The following SESTD1 variants were observed in gnomAD, a reference collection of about 807,000 sequenced individuals.
The protein encoded by SESTD1 is SEC14 domain and spectrin repeat-containing protein 1.
SESTD1 carries 43 observed loss-of-function variants against 101.7 expected under a neutral mutation model. That is an observed-to-expected ratio of 0.42 (90% CI 0.33 to 0.55). The LOEUF (loss-of-function observed/expected upper bound fraction) is 0.55. SESTD1 is among the 20% of genes least tolerant of loss of function. The pLI is 0.07. For synonymous variants in SESTD1, 283 were observed against 286.8 expected (o/e 0.99, Z 0.13); for missense variants, 647 against 815.1 (o/e 0.79, Z 2.51).
At chr2:179,139,884 T>G (rs1016901845) in intron 9 of SESTD1, among the ~76,000 whole-genome samples, 2 of 152,182 alleles carry the variant, frequency 1.3e-5, no homozygotes, top group African/African-American at 4.8e-5. Flanking sequence ...CCCATTTCCT[T>G]GCTCGGTGCC....
chr2:179,183,317 C>A, intron 2 of SESTD1, 129 bp from the exon 3 acceptor site: 1 of 542,748 alleles, frequency 1.8e-6, no homozygotes, highest in Non-Finnish European at 2.9e-6. Flanking sequence ...TATCTAATGG[C>A]TACTTATAGA....
chr2:179,184,675 T>C (rs1163770368), intron 2 of SESTD1, among the ~76,000 whole-genome samples: 1 of 152,124 alleles, frequency 6.6e-6, no homozygotes, highest in African/African-American at 2.4e-5. Context: ...CTGGCTTAAA[T>C]CATCAATGGT....
At chr2:179,117,718 G>T in intron 13 of SESTD1, 105 bp from the exon 14 acceptor site, 2 of 815,304 alleles carry the variant, frequency 2.5e-6, no homozygotes, top group Non-Finnish European at 3.6e-6. Context: ...AAAATACTTA[G>T]TCCTAAACAA....
chr2:179,125,567 A>G (rs1321182480), intron 10 of SESTD1, among the ~76,000 whole-genome samples: 3 of 152,158 alleles, frequency 2.0e-5, no homozygotes, highest in South Asian at 4.1e-4. Context: ...ATGTTGTTAC[A>G]AGGCTTAGAG....
rs533334627 is a variant in SESTD1, at chr2:179,199,713, T to A, written c.-25-7847A>T. On this transcript the variant is annotated intron_variant, in intron 1 of 17. Coordinates refer to ENST00000428443, the MANE Select transcript of SESTD1 (RefSeq NM_178123.5). ...GAACCAAAGACAAAAACCACATGAT[T>A]ATTTCAATAGATGCAGAAAAGGCCT... Among the ~76,000 whole-genome samples the A allele has an allele frequency of 5.5e-3, 839 of 152,322 alleles. 4 individuals are homozygous for A. The highest frequency in any genetic ancestry group is 0.019 in the African/African-American group (780 of 41,564).
chr2:179,246,909 A>T (rs1216593931), intron 1 of SESTD1, among the ~76,000 whole-genome samples: 1 of 152,246 alleles, frequency 6.6e-6, no homozygotes, highest in Non-Finnish European at 1.5e-5. Context: ...GGAAAGATCT[A>T]CTCAGCAGTC....
At chr2:179,237,581 A>C (rs1346207028) in intron 1 of SESTD1, among the ~76,000 whole-genome samples, 1 of 152,192 alleles carries the variant, frequency 6.6e-6, no homozygotes, top group Non-Finnish European at 1.5e-5. Context: ...ACAAATGGCT[A>C]AGTTTGGAGA....
At chr2:179,178,464 T>C (rs2046049707) in intron 3 of SESTD1, among the ~76,000 whole-genome samples, 1 of 152,086 alleles carries the variant, frequency 6.6e-6, no homozygotes. Context: ...ACTCCATCTC[T>C]ATTTAAAAAA....
At chr2:179,110,253 T>C (rs1180556303) in intron 17 of SESTD1, among the ~76,000 whole-genome samples, 1 of 152,126 alleles carries the variant, frequency 6.6e-6, no homozygotes, top group Non-Finnish European at 1.5e-5. Flanking sequence ...AATATATTGA[T>C]GGTATAAAGG....
chr2:179,120,102 G>A (rs1233481867), intron 13 of SESTD1, among the ~76,000 whole-genome samples: 2 of 151,962 alleles, frequency 1.3e-5, no homozygotes, highest in African/African-American at 4.8e-5. Context: ...AGTGGCACCC[G>A]CCTATAGTCC....
chr2:179,228,133 C>A (rs2046917813), intron 1 of SESTD1, among the ~76,000 whole-genome samples: 2 of 152,252 alleles, frequency 1.3e-5, no homozygotes, highest in Non-Finnish European at 2.9e-5. Context: ...AGTCCCCAGA[C>A]CCTCACACTG....
At chr2:179,259,345 C>T (rs2047447283) in intron 1 of SESTD1, among the ~76,000 whole-genome samples, 2 of 152,154 alleles carry the variant, frequency 1.3e-5, no homozygotes, top group Admixed American at 6.5e-5. Flanking sequence ...AATTCTCTGC[C>T]TCAGCCTCCT....
intron 1 of SESTD1, among the ~76,000 whole-genome samples, chr2:179,260,723 A>G (rs1230992170): frequency 6.6e-6 from 1 of 152,204 alleles, no homozygotes; most frequent in African/African-American, 2.4e-5. Flanking sequence ...TGAAAACATA[A>G]TATTAGATTT....
intron 5 of SESTD1, among the ~76,000 whole-genome samples, chr2:179,162,003 T>C (rs1559121906): frequency 6.6e-6 from 1 of 152,202 alleles, no homozygotes; most frequent in Non-Finnish European, 1.5e-5. Flanking sequence ...ATTTACACAC[T>C]TAGTAATAAT....
chr2:179,227,664 A>G lies in SESTD1; in HGVS notation c.-25-35798T>C, dbSNP rs75493136. ...TTTAAGGTTAAAAGAGCTTTCTTAA[A>G]GTCTCACTGCTTTTAGTACAAAGCT... is the stretch of plus-strand genomic sequence containing the variant. On this transcript the variant is annotated intron_variant, in intron 1 of 17. Transcript: ENST00000428443. 2.2e-3 allele frequency among the ~76,000 whole-genome samples: 338 copies of G among 152,336 alleles called. 9 individuals carry two copies. The East Asian group carries it at 0.061, about 28-fold the overall frequency.
In SESTD1 at chr2:179,206,427, T is replaced by A. The variant is rs1215441557; in HGVS notation, c.-25-14561A>T. 1.5e-5 allele frequency among the ~76,000 whole-genome samples: 2 copies of A among 135,950 alleles called. 1 individual carries two copies. Among genetic ancestry groups the A allele is most frequent in the Non-Finnish European group, 3.2e-5 (2 of 63,020 alleles). The allele number at this position is 135,950 out of a possible 152,430, so 89.2% of individuals were successfully genotyped here. A position where few individuals can be genotyped will look rare whatever the true frequency, so the allele number is the denominator to read the frequency against. On this transcript the variant is annotated intron_variant, in intron 1 of 17. Transcript: ENST00000428443. ...CATGGGAGAAGAATTTAATCTTACA[T>A]AGAGCTGAAATGGATTTAGGGAGCT...
At chr2:179,240,279 A>G (rs2047131891) in intron 1 of SESTD1, among the ~76,000 whole-genome samples, 1 of 152,328 alleles carries the variant, frequency 6.6e-6, no homozygotes, top group Non-Finnish European at 1.5e-5. Flanking sequence ...TACAGGCAAC[A>G]GAGAGTCACT....
Position 179,109,676 on chromosome 2 carries a change from T to C in SESTD1, c.*223A>G, listed in dbSNP as rs540592862. ...AAGCAAGTTTTCAGTGCAATGTTTA[T>C]AGTTCCTTCTTTTAAGATACTTGGA... On this transcript the variant is annotated 3_prime_UTR_variant, in exon 18 of 18. Coordinates refer to ENST00000428443, the MANE Select transcript of SESTD1 (RefSeq NM_178123.5). 9.2e-6 allele frequency: 5 copies of C among 540,684 alleles called. No homozygotes were observed. Among genetic ancestry groups the C allele is most frequent in the East Asian group, 8.7e-5 (3 of 34,676 alleles). The allele number at this position is 540,684 out of a possible 1,614,324, so 33.5% of individuals were successfully genotyped here. A position where few individuals can be genotyped will look rare whatever the true frequency, so the allele number is the denominator to read the frequency against.
chr2:179,136,943 T>C (rs1407048726), intron 9 of SESTD1, among the ~76,000 whole-genome samples: 1 of 152,148 alleles, frequency 6.6e-6, no homozygotes, highest in Non-Finnish European at 1.5e-5. Flanking sequence ...TTTCCCTTAG[T>C]ATACAACATC....
Sources: allele counts gnomAD v4.1 joint callset (sites outside exome capture counted in the v4.1 genomes callset), GRCh38; gene constraint gnomAD v4.1.1; transcripts MANE v1.5; gene names NCBI Gene and HGNC (gene_info 2026-07-23, HGNC 2026-07-21).